LARGE1: variants seen among roughly 807,000 people sequenced by gnomAD.
The protein encoded by LARGE1 is xylosyl- and glucuronyltransferase LARGE1.
Under a neutral mutation model 87.6 loss-of-function variants are expected in LARGE1, and 43 were observed. The observed-to-expected ratio is 0.49, with a 90% confidence interval of 0.38 to 0.63. LARGE1 has a LOEUF of 0.63. LARGE1 is among the 30% of genes least tolerant of loss of function. The pLI is 0.00. For missense variants in LARGE1, 802 were observed against 1,000.2 expected, an observed-to-expected ratio of 0.80 and a Z score of 2.67; for synonymous variants, 434 against 394.6, an observed-to-expected ratio of 1.10 and a Z score of -1.18.
intron 10 of LARGE1, among the ~76,000 whole-genome samples, chr22:33,334,434 A>C (rs1339283378): frequency 6.0e-5 from 9 of 149,950 alleles, no homozygotes; most frequent in South Asian, 2.1e-4. Flanking sequence ...AAAAAAAAAA[A>C]ACACCAAACA....
At chr22:33,857,103 G>A (rs2063777603) in intron 1 of LARGE1, among the ~76,000 whole-genome samples, 1 of 152,124 alleles carries the variant, frequency 6.6e-6, no homozygotes, top group Non-Finnish European at 1.5e-5. Context: ...TTTTAGTAGA[G>A]ATGAGGTTTT....
chr22:33,692,215 A>G (rs1031675797), intron 2 of LARGE1, among the ~76,000 whole-genome samples: 1 of 152,240 alleles, frequency 6.6e-6, no homozygotes, highest in Non-Finnish European at 1.5e-5. Flanking sequence ...AAATGCTTAA[A>G]ACACTGCTTC....
chr22:33,426,976 C>A (rs1423316389), intron 7 of LARGE1, among the ~76,000 whole-genome samples: 1 of 152,212 alleles, frequency 6.6e-6, no homozygotes, highest in Non-Finnish European at 1.5e-5. Flanking sequence ...TACCGACCTG[C>A]CTTCCCTCAC....
Position 33,273,815 on chromosome 22 carries a change from A to G in LARGE1, c.*612T>C. The G allele has an allele frequency of 2.5e-6, 1 of 394,692 alleles. No homozygotes were observed. 24.4% of individuals were successfully genotyped at this position (394,692 alleles called of 1,614,324 possible). ...AAATAAACAAAACCCCCAAAGAAAA[A>G]CAAAACAAAACAGGAGTGACTTTGG... On this transcript the variant is annotated 3_prime_UTR_variant, in exon 15 of 15. Coordinates refer to ENST00000397394, the MANE Select transcript of LARGE1 (RefSeq NM_133642.5).
chr22:33,403,102 T>C (rs1601718195), intron 7 of LARGE1, among the ~76,000 whole-genome samples: 1 of 152,198 alleles, frequency 6.6e-6, no homozygotes, highest in Non-Finnish European at 1.5e-5. Flanking sequence ...TCTACATCTG[T>C]GCCTTTCAGA....
chr22:33,767,065 G>A (rs1364888547), intron 1 of LARGE1, among the ~76,000 whole-genome samples: 5 of 150,820 alleles, frequency 3.3e-5, no homozygotes, highest in Admixed American at 3.3e-4. Context: ...TGTAATCTCA[G>A]CACTTTGGGA....
chr22:33,369,566 T>C (rs889790463), intron 9 of LARGE1, among the ~76,000 whole-genome samples: 1 of 152,042 alleles, frequency 6.6e-6, no homozygotes, highest in African/African-American at 2.4e-5. Context: ...TGACTTTTCT[T>C]TTTCTTTTTT....
intron 2 of LARGE1, among the ~76,000 whole-genome samples, chr22:33,728,777 G>T (rs942990650): frequency 6.6e-6 from 1 of 152,138 alleles, no homozygotes. Context: ...CACCCATGAG[G>T]TAGACACTCA....
intron 1 of LARGE1, among the ~76,000 whole-genome samples, chr22:33,912,778 A>C (rs7292734): frequency 0.017 from 2,562 of 150,588 alleles, 64 homozygotes; most frequent in African/African-American, 0.059. Context: ...ACAACAATGA[A>C]AAAAAAAAAA....
At chr22:33,773,855 C>T (rs555364310) in intron 1 of LARGE1, among the ~76,000 whole-genome samples, 3 of 152,234 alleles carry the variant, frequency 2.0e-5, no homozygotes, top group South Asian at 2.1e-4. Context: ...ATATGAGATG[C>T]TATGTAGTAT....
intron 7 of LARGE1, among the ~76,000 whole-genome samples, chr22:33,394,702 CGT>C (rs59338001): frequency 0.094 from 13,290 of 142,078 alleles, 438 homozygotes; most frequent in African/African-American, 0.11. Context: ...CTCCTGGGAG[CGT>C]GTGTGTGTGT....
chr22:33,767,107 C>A (rs1228908916), intron 1 of LARGE1, among the ~76,000 whole-genome samples: 2 of 151,030 alleles, frequency 1.3e-5, no homozygotes, highest in Non-Finnish European at 3.0e-5. Context: ...TGACATCAGG[C>A]GTTCAAGACC....
At chr22:33,108,039 TATA>T in the LARGE1 span, among the ~76,000 whole-genome samples, 2 of 152,132 alleles carry the variant, frequency 1.3e-5, no homozygotes. Context: ...TGTACTATAT[TATA>T]TATTCATAAA....
Position 33,767,586 on chromosome 22 carries a change from A to C in LARGE1, c.-82-6028T>G, listed in dbSNP as rs377626680. ...GGCTAGTTACCATTTGAGAGACTCC[A>C]GTCAGAAGCCTACATTCCAAGCGTG... On this transcript the variant is annotated intron_variant, in intron 1 of 14. Transcript: ENST00000397394. Among the ~76,000 whole-genome samples the C allele has an allele frequency of 2.5e-4, 38 of 152,156 alleles. No homozygotes were observed. The South Asian group carries it at 7.7e-3, about 31-fold the overall frequency.
At chr22:33,208,417 C>T (rs1924790699) in intron 11 of LARGE1, among the ~76,000 whole-genome samples, 1 of 152,186 alleles carries the variant, frequency 6.6e-6, no homozygotes, top group Admixed American at 6.5e-5. Flanking sequence ...AAGATAAGTA[C>T]AAGGTAACTA....
At chr22:33,104,086 A>T in the LARGE1 span, among the ~76,000 whole-genome samples, 1 of 152,202 alleles carries the variant, frequency 6.6e-6, no homozygotes, top group Non-Finnish European at 1.5e-5. Flanking sequence ...AGACTAATAC[A>T]GAAATGGATT....
intron 6 of LARGE1, among the ~76,000 whole-genome samples, chr22:33,447,465 G>A (rs1381426063): frequency 1.3e-5 from 2 of 152,206 alleles, no homozygotes; most frequent in Non-Finnish European, 2.9e-5. Flanking sequence ...TCTCCCCTGT[G>A]ATCCACATAA....
chr22:33,525,247 T>A (rs1340120355), intron 6 of LARGE1, among the ~76,000 whole-genome samples: 3 of 152,128 alleles, frequency 2.0e-5, no homozygotes, highest in Non-Finnish European at 4.4e-5. Context: ...CCTTCAAGAT[T>A]GAGGCTCAAA....
the LARGE1 span, among the ~76,000 whole-genome samples, chr22:33,067,208 A>G: frequency 6.6e-6 from 1 of 152,118 alleles, no homozygotes; most frequent in African/African-American, 2.4e-5. Flanking sequence ...TAAGCATACC[A>G]TAATCAGTGA....
Sources: allele counts gnomAD v4.1 joint callset (sites outside exome capture counted in the v4.1 genomes callset), GRCh38; gene constraint gnomAD v4.1.1; transcripts MANE v1.5; gene names NCBI Gene and HGNC (gene_info 2026-07-23, HGNC 2026-07-21).